TNFAIP2: variants seen among roughly 807,000 people sequenced by gnomAD.
TNFAIP2 encodes the protein tumor necrosis factor alpha-induced protein 2.
Under a neutral mutation model 63.5 loss-of-function variants are expected in TNFAIP2, and 47 were observed. That is an observed-to-expected ratio of 0.74 (90% CI 0.59 to 0.94). TNFAIP2 has a LOEUF of 0.94. Among genes scored for constraint, TNFAIP2 ranks in the 40% least tolerant of loss-of-function variants. TNFAIP2 has a pLI of 0.00. For synonymous variants in TNFAIP2, 405 were observed against 390.2 expected (o/e 1.04, Z -0.45); for missense variants, 787 against 850.2 (o/e 0.93, Z 0.92).
rs2088087156 is a variant in TNFAIP2, at chr14:103,135,971, C to T, written c.*611C>T. 3 of 1,289,422 alleles carry T rather than the reference C, an allele frequency of 2.3e-6. No individual in the cohort carries two copies. The highest frequency in any genetic ancestry group is 3.0e-5 in the African/African-American group (2 of 66,008). The allele number at this position is 1,289,422 out of a possible 1,614,324, so 79.9% of individuals were successfully genotyped here. A position where few individuals can be genotyped will look rare whatever the true frequency, so the allele number is the denominator to read the frequency against. On this transcript the variant is annotated 3_prime_UTR_variant, in exon 12 of 12. Transcript: ENST00000560869. The surrounding 1 kb of genome is among the most constrained non-coding windows in gnomAD (Gnocchi z 7.6). ...ACGTCACATCCAGGTGGCCCCACGGCCCCTACAGGCTGGCCCTGCAATGGG... is the reference window on the plus strand; with the variant it reads ...ACGTCACATCCAGGTGGCCCCACGGTCCCTACAGGCTGGCCCTGCAATGGG...
chr14:103,130,115 C>T lies in TNFAIP2; in HGVS notation c.1089C>T (p.Asp363=). Residue 363 remains aspartate (D), a synonymous_variant, in exon 5 of 12, where the codon GAC becomes GAT. Transcript: ENST00000560869. ...DGHCHSELAI[D]IIQITSQAQA... is the part of the protein sequence containing the mutation. The stretch of plus-strand genomic sequence containing the variant: ...ACTGCCACAGCGAGCTGGCCATCGA[C>T]ATCATCCAGGTACTGCAATCTGCCC... 6.2e-7 allele frequency: 1 copy of T among 1,613,044 alleles called. No homozygotes were observed. Among genetic ancestry groups the T allele is most frequent in the East Asian group, 2.2e-5 (1 of 44,864 alleles).
intron 3 of TNFAIP2, 66 bp from the exon 4 acceptor site, chr14:103,129,674 G>A: frequency 3.4e-6 from 5 of 1,461,812 alleles, no homozygotes; most frequent in Non-Finnish European, 4.8e-6. Flanking sequence ...GAGGGCCTGG[G>A]CTCTAGCTTG....
Position 103,128,130 on chromosome 14 carries a change from A to G in TNFAIP2, c.860+501A>G, listed in dbSNP as rs560894771. Among the ~76,000 whole-genome samples the G allele has an allele frequency of 2.0e-5, 3 of 152,272 alleles. No homozygotes were observed. The East Asian group carries it at 5.8e-4, about 29-fold the overall frequency. Reference sequence around the variant, plus strand: ...GAGCCAGGGAATCAGGCCAGGAGGCAGGAGGAGGGGTGATAGGGCAGGTAG... The same window carrying G: ...GAGCCAGGGAATCAGGCCAGGAGGCGGGAGGAGGGGTGATAGGGCAGGTAG... On this transcript the variant is annotated intron_variant, in intron 3 of 11. Coordinates refer to ENST00000560869, the MANE Select transcript of TNFAIP2 (RefSeq NM_006291.4).
intron 11 of TNFAIP2, among the ~76,000 whole-genome samples, 175 bp downstream of exon 11, chr14:103,133,978 A>G (rs1265926983): frequency 6.6e-6 from 1 of 152,178 alleles, no homozygotes; most frequent in South Asian, 2.1e-4. Flanking sequence ...AATACTTCCC[A>G]TTCCCGTTTC....
In TNFAIP2 at chr14:103,135,148, C is replaced by T. The variant is rs1011174077; in HGVS notation, c.1824-71C>T. 57 of 1,601,948 alleles carry T rather than the reference C, an allele frequency of 3.6e-5. No homozygotes were observed. The highest frequency in any genetic ancestry group is 1.3e-4 in the East Asian group (6 of 44,814). On this transcript the variant is annotated intron_variant, in intron 11 of 11. Transcript: ENST00000560869. The surrounding 1 kb of genome is among the most constrained non-coding windows in gnomAD (Gnocchi z 7.6). ...GGCTGTCGGGCCCTGTGGCACTGGCCGGGAGTGCAGGGAGCTGGTGAGTAG... is the reference window on the plus strand; with the variant it reads ...GGCTGTCGGGCCCTGTGGCACTGGCTGGGAGTGCAGGGAGCTGGTGAGTAG...
chr14:103,133,610 C>T, intron 10 of TNFAIP2, 72 bp from the exon 11 acceptor site: 1 of 1,561,124 alleles, frequency 6.4e-7, no homozygotes, highest in East Asian at 2.3e-5. Context: ...GCTGGTGCCT[C>T]TCTAAGCCCA....
intron 9 of TNFAIP2, 60 bp from the exon 10 acceptor site, chr14:103,133,302 G>T: frequency 1.3e-6 from 2 of 1,579,274 alleles, no homozygotes; most frequent in Middle Eastern, 2.2e-4. Flanking sequence ...GGCTTCAAGG[G>T]AGGTGGCGAG....
Position 103,130,062 on chromosome 14 carries a change from G to A in TNFAIP2, c.1036G>A (p.Asp346Asn), listed in dbSNP as rs2087939131. The change falls in exon 5 of 12, where the codon GAT (aspartate) becomes AAT (asparagine). Residue 346 changes from aspartate (D) to asparagine (N), a missense_variant. This residue lies in a region of TNFAIP2 where 523 missense variants were observed against 604.1 expected (regional missense o/e 0.87). Transcript: ENST00000560869. ...GCTAGAGGCACGGCGCTGGGCTGAG[G>A]ATGTGCCTCCCCAGAGGCTGGACGG... Reference protein sequence around the residue: ...LELEARRWAEDVPPQRLDGHC... With the variant: ...LELEARRWAENVPPQRLDGHC... 1.2e-6 allele frequency: 2 copies of A among 1,613,286 alleles called. No individual in the cohort carries two copies. The highest frequency in any genetic ancestry group is 2.7e-5 in the African/African-American group (2 of 74,892).
In TNFAIP2 at chr14:103,126,393, C is replaced by G; in HGVS notation, c.-65C>G. 1 of 1,220,900 alleles carries G rather than the reference C, an allele frequency of 8.2e-7. No homozygotes were observed. The highest frequency in any genetic ancestry group is 1.5e-5 in the South Asian group (1 of 64,706). The allele number at this position is 1,220,900 out of a possible 1,614,324, so 75.6% of individuals were successfully genotyped here. ...TAGAGCCATCAGCCTGTGCCAGGCA[C>G]CCTCGACTTGCCTAGAGGCCCCCAA... is the stretch of plus-strand genomic sequence containing the variant. On this transcript the variant is annotated 5_prime_UTR_variant, in exon 2 of 12. Coordinates refer to ENST00000560869, the MANE Select transcript of TNFAIP2 (RefSeq NM_006291.4).
rs1132350 is a variant in TNFAIP2, at chr14:103,136,320, C to T, written c.*960C>T. The stretch of plus-strand genomic sequence containing the variant: ...AGTTCTGCGGGTCAGAAGGCTGACC[C>T]GGGGCTCAAATCTGGGTGTCGGCAG... On this transcript the variant is annotated 3_prime_UTR_variant, in exon 12 of 12. Transcript: ENST00000560869. 5,166 of 176,422 alleles carry T rather than the reference C, an allele frequency of 0.029. 95 individuals are homozygous for T. Among genetic ancestry groups the T allele is most frequent in the African/African-American group, 0.048 (1,997 of 41,960 alleles). 10.9% of individuals were successfully genotyped at this position (176,422 alleles called of 1,614,324 possible).
upstream of TNFAIP2, chr14:103,122,833 T>C (rs1471526376): frequency 2.2e-6 from 1 of 454,666 alleles, no homozygotes; most frequent in East Asian, 7.0e-5. Flanking sequence ...CTACTTAAAG[T>C]GGTGTGAGCC....
intron 6 of TNFAIP2, among the ~76,000 whole-genome samples, 199 bp from the exon 7 acceptor site, chr14:103,130,853 G>T (rs1285637730): frequency 6.6e-6 from 1 of 152,180 alleles, no homozygotes; most frequent in Non-Finnish European, 1.5e-5. Flanking sequence ...GCAGAGATGG[G>T]CTGGTACCCT....
intron 8 of TNFAIP2, 74 bp from the exon 9 acceptor site, chr14:103,132,676 C>T (rs1446786385): frequency 2.3e-5 from 26 of 1,134,634 alleles, no homozygotes; most frequent in Admixed American, 1.7e-4. Flanking sequence ...TCTGTGTCTG[C>T]GTGTCTGCGT....
At position 103,131,070 on chromosome 14, in the gene TNFAIP2, T is replaced by G. The variant is rs1306522532; in HGVS notation, c.1218T>G (p.Asn406Lys). Residue 406 changes from asparagine to lysine, a missense_variant, in exon 7 of 12, where the codon AAT (asparagine) becomes AAG (lysine). Asn to Lys is a moderately conservative substitution (Grantham distance 94, BLOSUM62 0). Transcript: ENST00000560869. This position sits in a 1 kb window ranked among gnomAD's most constrained non-coding sequence, Gnocchi z 4.0. ...AFLRSYQRAF[N>K]EFLERGKQLT... ...TCGCCAGCTACCAGCGCGCCTTTAA[T>G]GAATTTCTGGAGAGAGGCAAGCAGC... is the stretch of plus-strand genomic sequence containing the variant. 1 of 1,614,162 alleles carries G rather than the reference T, an allele frequency of 6.2e-7. No individual in the cohort carries two copies. Among genetic ancestry groups the G allele is most frequent in the Admixed American group, 1.7e-5 (1 of 60,028 alleles).
rs200076847 is a variant in TNFAIP2 at position 103,126,688 on chromosome 14, C to G, written c.231C>G (p.Pro77=). 4 of 1,558,382 alleles carry G rather than the reference C, an allele frequency of 2.6e-6. No homozygotes were observed. Among genetic ancestry groups the G allele is most frequent in the Middle Eastern group, 3.3e-4 (2 of 5,994 alleles). ...GGCAGGGGCTGGATGGCCCGCCCCC[C>G]ACAGGTGCTCTAGGACCCTGGGTTA... ...GSRQGLDGPP[P]TVEELKAALE... Residue 77 remains proline (P), a synonymous_variant, in exon 2 of 12, where the codon CCC becomes CCG. Transcript: ENST00000560869.
Position 103,131,729 on chromosome 14 carries a change from C to T in TNFAIP2, c.1389C>T (p.Asp463=). The T allele has an allele frequency of 6.2e-7, 1 of 1,612,222 alleles. No individual in the cohort carries two copies. The highest frequency in any genetic ancestry group is 8.5e-7 in the Non-Finnish European group (1 of 1,179,762). The change falls in exon 8 of 12, where the codon GAC becomes GAT. Residue 463 remains aspartate (D), a synonymous_variant. Transcript: ENST00000560869. The surrounding 1 kb of genome is among the most constrained non-coding windows in gnomAD (Gnocchi z 4.0). The part of the protein sequence containing the change: ...PLGELKSHGF[D]TLLQNLHEDL... ...GTGAGCTCAAGAGCCACGGCTTTGA[C>T]ACCCTGCTCCAGAACCTGCATGAGG...
intron 11 of TNFAIP2, among the ~76,000 whole-genome samples, chr14:103,134,456 C>G (rs1197721121): frequency 7.0e-6 from 1 of 142,994 alleles, no homozygotes; most frequent in African/African-American, 2.6e-5. Flanking sequence ...GTCTACCCAT[C>G]CACCCACCCA....
Position 103,135,628 on chromosome 14 carries a change from C to T in TNFAIP2, c.*268C>T, listed in dbSNP as rs750733617. 1.1e-5 allele frequency: 15 copies of T among 1,339,346 alleles called. No homozygotes were observed. The highest frequency in any genetic ancestry group is 7.7e-5 in the South Asian group (5 of 65,322). The allele number at this position is 1,339,346 out of a possible 1,614,324, so 83.0% of individuals were successfully genotyped here. Reference sequence around the variant, plus strand: ...GGACTCTTTGTAAACGATAGCTGATCGTGTGCACGCAAGGAAAGAACCAGG... The same window carrying T: ...GGACTCTTTGTAAACGATAGCTGATTGTGTGCACGCAAGGAAAGAACCAGG... On this transcript the variant is annotated 3_prime_UTR_variant, in exon 12 of 12. Coordinates refer to ENST00000560869, the MANE Select transcript of TNFAIP2 (RefSeq NM_006291.4). This position sits in a 1 kb window ranked among gnomAD's most constrained non-coding sequence, Gnocchi z 7.6.
Position 103,136,225 on chromosome 14 carries a change from G to T in TNFAIP2, c.*865G>T. 3.4e-6 allele frequency: 1 copy of T among 290,334 alleles called. No individual in the cohort carries two copies. The highest frequency in any genetic ancestry group is 4.6e-5 in the Admixed American group (1 of 21,676). The allele number at this position is 290,334 out of a possible 1,614,324, so 18.0% of individuals were successfully genotyped here. The stretch of plus-strand genomic sequence containing the variant: ...CTTGACCTCTCACTGTTGACCCTTT[G>T]GCCTCTGTATTTGTTTCCTATTGCC... On this transcript the variant is annotated 3_prime_UTR_variant, in exon 12 of 12. Transcript: ENST00000560869.
Sources: allele counts gnomAD v4.1 joint callset (sites outside exome capture counted in the v4.1 genomes callset), GRCh38; gene constraint gnomAD v4.1.1; regional missense constraint gnomAD v4.1.1; non-coding constraint Gnocchi (gnomAD v3.1); transcripts MANE v1.5; gene names NCBI Gene and HGNC (gene_info 2026-07-23, HGNC 2026-07-21).